The following CDH7 variants were observed in gnomAD, a reference collection of about 807,000 sequenced individuals.
The protein encoded by CDH7 is cadherin 7.
A neutral mutation model predicts 71.8 loss-of-function variants in CDH7; 25 were observed. The ratio of observed to expected loss-of-function variants is 0.35; its 90% confidence interval spans 0.25 to 0.49. CDH7 has a LOEUF of 0.49. CDH7 is among the 20% of genes least tolerant of loss of function. CDH7 has a pLI of 0.99. For missense variants in CDH7, 862 were observed against 974.6 expected (o/e 0.88, Z 1.54); for synonymous variants, 381 against 363.8 (o/e 1.05, Z -0.54).
intron 2 of CDH7, among the ~76,000 whole-genome samples, chr18:65,769,403 A>G (rs192329924): frequency 6.6e-6 from 1 of 152,332 alleles, no homozygotes; most frequent in East Asian, 1.9e-4. Context: ...AAATGTGATC[A>G]AATTGGTAAA....
chr18:65,818,581 A>T (rs897191559), intron 4 of CDH7, among the ~76,000 whole-genome samples: 3 of 152,250 alleles, frequency 2.0e-5, no homozygotes, highest in Non-Finnish European at 2.9e-5. Flanking sequence ...GATATAATGT[A>T]AAACAGAATA....
chr18:65,855,622 A>C (rs1467740948), intron 7 of CDH7, among the ~76,000 whole-genome samples: 1 of 152,190 alleles, frequency 6.6e-6, no homozygotes, highest in Non-Finnish European at 1.5e-5. Flanking sequence ...CTGAAAATGG[A>C]AATATCCAAG....
chr18:65,786,161 G>A (rs982061028), intron 2 of CDH7, among the ~76,000 whole-genome samples: 4 of 151,690 alleles, frequency 2.6e-5, no homozygotes, highest in African/African-American at 9.7e-5. Context: ...GCTTCTGTCT[G>A]TAGACTGAAT....
intron 4 of CDH7, among the ~76,000 whole-genome samples, chr18:65,817,286 C>A (rs967287781): frequency 6.6e-6 from 1 of 152,048 alleles, no homozygotes; most frequent in Admixed American, 6.6e-5. Flanking sequence ...TAACAAGTGA[C>A]CCCTTCCAAC....
intron 1 of CDH7, among the ~76,000 whole-genome samples, chr18:65,759,314 G>A (rs899784344): frequency 6.7e-6 from 1 of 149,722 alleles, no homozygotes; most frequent in African/African-American, 2.5e-5. Flanking sequence ...GTGCCGTCTC[G>A]GCTCCCTGAA....
intron 6 of CDH7, among the ~76,000 whole-genome samples, chr18:65,827,609 A>G (rs2143950353): frequency 6.6e-6 from 1 of 152,104 alleles, no homozygotes; most frequent in East Asian, 1.9e-4. Flanking sequence ...GAAGTTAGTC[A>G]TAGTTTATTA....
At chr18:65,871,073 T>C (rs2144054791) in intron 11 of CDH7, among the ~76,000 whole-genome samples, 1 of 152,332 alleles carries the variant, frequency 6.6e-6, no homozygotes, top group Middle Eastern at 3.4e-3. Context: ...TCAGATAAAT[T>C]AACTACATTA....
In CDH7 at chr18:65,869,545, A is replaced by ATTTTTTTTT. The variant is rs10696115; in HGVS notation, c.1864+6645_1864+6653dup. On this transcript the variant is annotated intron_variant, in intron 11 of 11. Transcript: ENST00000397968. ...CTTCCCATAATCTACAAGTGGGTCA[A>ATTTTTTTTT]TTTTTTTTTTTTTTTTTTTTTTTTT... Among the ~76,000 whole-genome samples the ATTTTTTTTT allele has an allele frequency of 2.8e-3, 256 of 91,378 alleles. 1 individual carries two copies. Among genetic ancestry groups the ATTTTTTTTT allele is most frequent in the African/African-American group, 3.2e-3 (72 of 22,372 alleles). 59.9% of individuals were successfully genotyped at this position (91,378 alleles called of 152,430 possible). A position where few individuals can be genotyped will look rare whatever the true frequency, so the allele number is the denominator to read the frequency against.
rs1914345854 is a variant in CDH7, at chr18:65,885,376, T to TTTTTTTTTTTGTTTG, written c.*4492_*4493insGTTTGTTTTTTTTTT. On this transcript the variant is annotated 3_prime_UTR_variant, in exon 12 of 12. Transcript: ENST00000397968. ...CTGAAAAGGATGTGTGCCTGTGTTT[T>TTTTTTTTTTTGTTTG]TTTTTTTTTTTTTTTTTTTGACGTG... 1 of 102,880 alleles carries TTTTTTTTTTTGTTTG rather than the reference T, an allele frequency of 9.7e-6. No homozygotes were observed. The highest frequency in any genetic ancestry group is 1.1e-4 in the Admixed American group (1 of 9,386). The allele number at this position is 102,880 out of a possible 1,614,324, so 6.4% of individuals were successfully genotyped here. A position where few individuals can be genotyped will look rare whatever the true frequency, so the allele number is the denominator to read the frequency against.
At chr18:65,795,204 C>G (rs995089269) in intron 2 of CDH7, among the ~76,000 whole-genome samples, 1 of 152,050 alleles carries the variant, frequency 6.6e-6, no homozygotes, top group Admixed American at 6.6e-5. Context: ...ACAATGATTA[C>G]TAATTTTTTT....
intron 2 of CDH7, among the ~76,000 whole-genome samples, chr18:65,807,979 G>A (rs189207862): frequency 1.3e-5 from 2 of 152,296 alleles, no homozygotes; most frequent in East Asian, 1.9e-4. Flanking sequence ...GTTATAGGGA[G>A]TGGGGATGTG....
At chr18:65,817,983 T>G (rs1911779342) in intron 4 of CDH7, among the ~76,000 whole-genome samples, 1 of 152,236 alleles carries the variant, frequency 6.6e-6, no homozygotes, top group Admixed American at 6.5e-5. Context: ...TATTTCCTCA[T>G]GCATCAGTGT....
intron 2 of CDH7, among the ~76,000 whole-genome samples, chr18:65,808,281 A>G (rs1911397236): frequency 6.6e-6 from 1 of 152,238 alleles, no homozygotes; most frequent in Non-Finnish European, 1.5e-5. Context: ...AATTAAAACT[A>G]TAATAATTCT....
At chr18:65,795,177 T>C (rs1407111382) in intron 2 of CDH7, among the ~76,000 whole-genome samples, 2 of 152,168 alleles carry the variant, frequency 1.3e-5, no homozygotes, top group East Asian at 1.9e-4. Context: ...AGTACTGAAG[T>C]TCAGAGTCAG....
chr18:65,881,966 G>A lies in CDH7; in HGVS notation c.*1072G>A, dbSNP rs929069647. On this transcript the variant is annotated 3_prime_UTR_variant, in exon 12 of 12. Coordinates refer to ENST00000397968, the MANE Select transcript of CDH7 (RefSeq NM_004361.5). ...GAATAAAATATTTGTATTTTAGAAA[G>A]ACTTCAGAGAGAATTGAGATTTTCT... 6.6e-6 allele frequency: 1 copy of A among 152,134 alleles called. No homozygotes were observed. Among genetic ancestry groups the A allele is most frequent in the Non-Finnish European group, 1.5e-5 (1 of 68,000 alleles). 9.4% of individuals were successfully genotyped at this position (152,134 alleles called of 1,614,324 possible).
rs1910315393 is a variant in CDH7, at chr18:65,782,124, T to TTCTTTCTC, written c.210+19079_210+19080insCTCTTTCT. Among the ~76,000 whole-genome samples the TTCTTTCTC allele has an allele frequency of 2.6e-5, 2 of 76,042 alleles. 1 individual carries two copies. The highest frequency in any genetic ancestry group is 9.4e-4 in the South Asian group (2 of 2,126). 49.9% of individuals were successfully genotyped at this position (76,042 alleles called of 152,430 possible). On this transcript the variant is annotated intron_variant, in intron 2 of 11. Coordinates refer to ENST00000397968, the MANE Select transcript of CDH7 (RefSeq NM_004361.5). Reference sequence around the variant, plus strand: ...CTTCCTTCCTTCTTTCTTTCTTTCTTTCTTTCTTTCTTTCTTTCTTTCTTT... The same window carrying TTCTTTCTC: ...CTTCCTTCCTTCTTTCTTTCTTTCTTTCTTTCTCTCTTTCTTTCTTTCTTTCTTTCTTT...
intron 2 of CDH7, among the ~76,000 whole-genome samples, chr18:65,778,549 T>TTTTTTTTTTTTTTA (rs1267851629): frequency 2.0e-5 from 3 of 146,802 alleles, no homozygotes; most frequent in African/African-American, 7.7e-5. Flanking sequence ...TTTTTTTTTT[T>TTTTTTTTTTTTTTA]ACATAAAAAT....
At chr18:65,787,100 G>A (rs1182002473) in intron 2 of CDH7, among the ~76,000 whole-genome samples, 3 of 152,018 alleles carry the variant, frequency 2.0e-5, no homozygotes, top group Non-Finnish European at 4.4e-5. Flanking sequence ...ATCATTAGCA[G>A]CATTTGTTGA....
At chr18:65,782,165 C>CTTTCTTTCTTA (rs1568182737) in intron 2 of CDH7, among the ~76,000 whole-genome samples, 1 of 25,508 alleles carries the variant, frequency 3.9e-5, no homozygotes. Context: ...TTTCTTTCTT[C>CTTTCTTTCTTA]CTTTCTTTCT....
Sources: gnomAD v4.1 joint callset for allele counts (sites outside exome capture counted in the v4.1 genomes callset) on GRCh38, gnomAD v4.1.1 for gene constraint, MANE v1.5 for transcripts, NCBI Gene and HGNC (gene_info 2026-07-23, HGNC 2026-07-21) for gene names.